Variants in TNRC6B observed in about 807,000 individuals in gnomAD.
TNRC6B encodes the protein trinucleotide repeat containing adaptor 6B.
TNRC6B carries 52 observed loss-of-function variants against 203.6 expected under a neutral mutation model. The observed-to-expected ratio is 0.26, with a 90% CI of 0.20 to 0.32. The LOEUF (loss-of-function observed/expected upper bound fraction) is 0.32, where lower values mean the gene tolerates loss of function less well. TNRC6B is among the 10% of genes least tolerant of loss of function. The pLI, the probability that TNRC6B is intolerant of heterozygous loss-of-function variation, is 1.00. For synonymous variants in TNRC6B, 838 were observed against 845.7 expected (o/e 0.99, Z 0.16); for missense variants, 1,923 against 2,286.2 (o/e 0.84, Z 3.24).
At chr22:40,255,531 CAGT>C (rs1394379524) in intron 3 of TNRC6B, among the ~76,000 whole-genome samples, 1 of 152,174 alleles carries the variant, frequency 6.6e-6, no homozygotes, top group Non-Finnish European at 1.5e-5. Context: ...TGTTCTAACA[CAGT>C]GGTGGGGAGC....
At chr22:40,315,813 G>C in intron 20 of TNRC6B, 129 bp from the exon 21 acceptor site, 1 of 750,702 alleles carries the variant, frequency 1.3e-6, no homozygotes, top group Non-Finnish European at 2.2e-6. Flanking sequence ...AAGAAGGTCA[G>C]AGTCCAGTGG....
intron 15 of TNRC6B, among the ~76,000 whole-genome samples, chr22:40,307,895 G>C: frequency 6.6e-6 from 1 of 151,900 alleles, no homozygotes; most frequent in East Asian, 1.9e-4. Flanking sequence ...GAACTCCTTG[G>C]CCTAATATAT....
At chr22:40,200,883 A>G (rs2069403655) in intron 1 of TNRC6B, among the ~76,000 whole-genome samples, 1 of 152,114 alleles carries the variant, frequency 6.6e-6, no homozygotes, top group South Asian at 2.1e-4. Flanking sequence ...AGGCAGTGGA[A>G]TGTGATGGTG....
intron 16 of TNRC6B, among the ~76,000 whole-genome samples, 186 bp from the exon 17 acceptor site, chr22:40,310,631 T>A (rs558917134): frequency 6.6e-6 from 1 of 152,254 alleles, no homozygotes; most frequent in Admixed American, 6.5e-5. Context: ...AGAGGCGAAA[T>A]GACTTGTTGT....
chr22:40,113,702 A>G (rs73428256), intron 1 of TNRC6B, among the ~76,000 whole-genome samples: 8,680 of 152,152 alleles, frequency 0.057, 792 homozygotes, highest in African/African-American at 0.19. Context: ...AATTAACTAG[A>G]TATCTTCTTG....
intron 3 of TNRC6B, among the ~76,000 whole-genome samples, chr22:40,153,395 A>T (rs889351455): frequency 6.6e-6 from 1 of 152,192 alleles, no homozygotes; most frequent in African/African-American, 2.4e-5. Flanking sequence ...CAATCAATCC[A>T]GTTCGGAGCA....
chr22:40,291,308 C>A (rs968784138), intron 12 of TNRC6B, among the ~76,000 whole-genome samples: 2 of 151,930 alleles, frequency 1.3e-5, no homozygotes, highest in African/African-American at 4.8e-5. Context: ...TGACCTGAGC[C>A]CAGGAGGTTG....
chr22:40,069,491 ATT>A (rs370817024), intron 1 of TNRC6B, among the ~76,000 whole-genome samples: 2 of 137,808 alleles, frequency 1.5e-5, no homozygotes, highest in Non-Finnish European at 3.2e-5. Context: ...TTTTTTTTTA[ATT>A]TTTTTTTTTT....
chr22:40,186,678 C>CA (rs1434349542), intron 1 of TNRC6B, among the ~76,000 whole-genome samples: 2 of 149,198 alleles, frequency 1.3e-5, no homozygotes, highest in Non-Finnish European at 3.0e-5. Flanking sequence ...GCTGAGGTTG[C>CA]AGTGAGCCGA....
intron 3 of TNRC6B, among the ~76,000 whole-genome samples, chr22:40,155,185 T>C (rs2068808732): frequency 6.6e-6 from 1 of 152,072 alleles, no homozygotes; most frequent in Non-Finnish European, 1.5e-5. Context: ...AATACTTTTG[T>C]ATATGTGCAA....
At chr22:40,144,840 G>A (rs892367308) in intron 3 of TNRC6B, among the ~76,000 whole-genome samples, 2 of 151,884 alleles carry the variant, frequency 1.3e-5, no homozygotes, top group East Asian at 1.9e-4. Flanking sequence ...TAGTTAATAG[G>A]GCGATCTTCA....
chr22:40,228,287 A>G (rs1316430778), intron 1 of TNRC6B, among the ~76,000 whole-genome samples: 1 of 151,664 alleles, frequency 6.6e-6, no homozygotes, highest in Non-Finnish European at 1.5e-5. Flanking sequence ...AAAATTAGCC[A>G]GGTGTGGTGC....
rs543673944 is a variant in TNRC6B at position 40,335,517 on chromosome 22, A to C, written c.*12276A>C. On this transcript the variant is annotated 3_prime_UTR_variant, in exon 23 of 23. Transcript: ENST00000454349. ...AAGTATCAAAAACAAAAAAAACTAAAGGGTGGTGTTTTATTGGATTGTGAC... is the reference window on the plus strand; with the variant it reads ...AAGTATCAAAAACAAAAAAAACTAACGGGTGGTGTTTTATTGGATTGTGAC... 1 of 151,506 alleles carries C rather than the reference A, an allele frequency of 6.6e-6. No homozygotes were observed. The highest frequency in any genetic ancestry group is 6.6e-5 in the Admixed American group (1 of 15,188). 9.4% of individuals were successfully genotyped at this position (151,506 alleles called of 1,614,324 possible). A position where few individuals can be genotyped will look rare whatever the true frequency, so the allele number is the denominator to read the frequency against.
At chr22:40,182,159 C>T (rs915198818) in intron 1 of TNRC6B, among the ~76,000 whole-genome samples, 1 of 151,620 alleles carries the variant, frequency 6.6e-6, no homozygotes, top group Non-Finnish European at 1.5e-5. Context: ...GCAGGAGAAT[C>T]GTTTGAACCC....
intron 1 of TNRC6B, among the ~76,000 whole-genome samples, chr22:40,204,913 T>G (rs926489702): frequency 3.3e-5 from 5 of 152,246 alleles, no homozygotes; most frequent in Non-Finnish European, 4.4e-5. Context: ...TCCAGTGAAA[T>G]TAATGACATT....
At chr22:40,116,040 G>T (rs1275082605) in intron 1 of TNRC6B, among the ~76,000 whole-genome samples, 1 of 152,188 alleles carries the variant, frequency 6.6e-6, no homozygotes, top group Non-Finnish European at 1.5e-5. Context: ...CAAATAGAGG[G>T]GACGACAGAT....
chr22:40,241,941 G>C (rs996432473), intron 1 of TNRC6B, among the ~76,000 whole-genome samples: 2 of 152,330 alleles, frequency 1.3e-5, no homozygotes, highest in Non-Finnish European at 1.5e-5. Flanking sequence ...ACTGTCGTCT[G>C]TGGTCATTTG....
At chr22:40,202,262 T>TTTTGTTTTTTTGTTG (rs1331330850) in intron 1 of TNRC6B, among the ~76,000 whole-genome samples, 6 of 116,004 alleles carry the variant, frequency 5.2e-5, no homozygotes, top group Non-Finnish European at 8.0e-5. Context: ...GTTTTTTTGT[T>TTTTGTTTTTTTGTTG]TTTTTTTTTT....
chr22:40,176,516 C>T (rs2146374504), upstream of TNRC6B, among the ~76,000 whole-genome samples: 1 of 152,258 alleles, frequency 6.6e-6, no homozygotes, highest in East Asian at 1.9e-4. Flanking sequence ...CTATGTGACC[C>T]TCATTCCCCT....
Sources: gnomAD v4.1 joint callset for allele counts (sites outside exome capture counted in the v4.1 genomes callset) on GRCh38, gnomAD v4.1.1 for gene constraint, MANE v1.5 for transcripts, NCBI Gene and HGNC (gene_info 2026-07-23, HGNC 2026-07-21) for gene names.